UST: variants seen among roughly 807,000 people sequenced by gnomAD.
The protein encoded by UST is uronyl 2-sulfotransferase.
UST carries 21 observed loss-of-function variants against 45.6 expected under a neutral mutation model. The observed-to-expected ratio is 0.46, with a 90% CI of 0.33 to 0.66. The LOEUF (loss-of-function observed/expected upper bound fraction) is 0.66, where lower values mean the gene tolerates loss of function less well. Among genes scored for constraint, UST ranks in the 30% least tolerant of loss-of-function variants. The pLI, the probability that UST is intolerant of heterozygous loss-of-function variation, is 0.02. For synonymous variants in UST, 215 were observed against 200.6 expected (o/e 1.07, Z -0.61); for missense variants, 463 against 512.4 (o/e 0.90, Z 0.93).
At chr6:148,878,831 A>G (rs1261099812) in intron 1 of UST, among the ~76,000 whole-genome samples, 3 of 151,368 alleles carry the variant, frequency 2.0e-5, no homozygotes, top group African/African-American at 7.3e-5. Flanking sequence ...GGGATTATGT[A>G]TGAGTATGGG....
chr6:148,838,342 A>G (rs565524495), intron 1 of UST, among the ~76,000 whole-genome samples: 2 of 152,276 alleles, frequency 1.3e-5, no homozygotes, highest in East Asian at 3.9e-4. Flanking sequence ...CCAGGACACG[A>G]GGTCAGAGAG....
At chr6:148,875,735 C>T (rs898613212) in intron 1 of UST, among the ~76,000 whole-genome samples, 3 of 152,202 alleles carry the variant, frequency 2.0e-5, no homozygotes, top group Non-Finnish European at 2.9e-5. Context: ...ACCTGGGAGG[C>T]GGAGTTTGCA....
chr6:148,830,225 C>T (rs1777656519), intron 1 of UST, among the ~76,000 whole-genome samples: 1 of 152,254 alleles, frequency 6.6e-6, no homozygotes, highest in African/African-American at 2.4e-5. Context: ...GGACCACACC[C>T]ACCAATTTCT....
At chr6:149,046,475 T>C (rs1314115191) in intron 7 of UST, among the ~76,000 whole-genome samples, 2 of 152,256 alleles carry the variant, frequency 1.3e-5, no homozygotes, top group African/African-American at 4.8e-5. Context: ...TTTCTTCTCC[T>C]TTCCTGAGAT....
At chr6:148,784,433 C>G (rs941831822) in intron 1 of UST, among the ~76,000 whole-genome samples, 2 of 152,200 alleles carry the variant, frequency 1.3e-5, no homozygotes, top group African/African-American at 4.8e-5. Flanking sequence ...CTAACCAACA[C>G]ACCATCTCAA....
chr6:148,963,756 C>A (rs533978373), intron 4 of UST, among the ~76,000 whole-genome samples: 9 of 152,202 alleles, frequency 5.9e-5, no homozygotes, highest in Non-Finnish European at 1.3e-4. Flanking sequence ...AACCTTATTC[C>A]TGCCTCAGTT....
chr6:148,991,524 C>A (rs939743520), intron 5 of UST, among the ~76,000 whole-genome samples: 9 of 122,844 alleles, frequency 7.3e-5, no homozygotes, highest in Non-Finnish European at 1.1e-4. Flanking sequence ...CCCCACCCCA[C>A]GACAGGCCCC....
intron 3 of UST, among the ~76,000 whole-genome samples, chr6:148,953,457 G>A (rs188382132): frequency 3.3e-5 from 5 of 152,244 alleles, no homozygotes; most frequent in Admixed American, 2.6e-4. Context: ...CACTTATACC[G>A]CTGGTCCACT....
chr6:148,803,747 C>G (rs1234579052), intron 1 of UST, among the ~76,000 whole-genome samples: 1 of 152,226 alleles, frequency 6.6e-6, no homozygotes, highest in East Asian at 1.9e-4. Flanking sequence ...CCTACCTGCT[C>G]CTCTTGCTTC....
At chr6:148,911,542 C>T (rs576279499) in intron 2 of UST, among the ~76,000 whole-genome samples, 1 of 152,290 alleles carries the variant, frequency 6.6e-6, no homozygotes, top group Admixed American at 6.5e-5. Flanking sequence ...TCTGTTGATA[C>T]ACTTGATGCC....
chr6:148,871,141 T>TCTCTCTCTCTCTCTCC (rs1562283619), intron 1 of UST, among the ~76,000 whole-genome samples: 24 of 149,356 alleles, frequency 1.6e-4, no homozygotes, highest in African/African-American at 5.0e-4. Flanking sequence ...TCTCTCTCTC[T>TCTCTCTCTCTCTCTCC]CTCTCCCTCT....
At chr6:148,904,924 C>G (rs2114869293) in intron 2 of UST, among the ~76,000 whole-genome samples, 1 of 152,292 alleles carries the variant, frequency 6.6e-6, no homozygotes, top group Middle Eastern at 3.4e-3. Context: ...CCTGCAGCTG[C>G]CCTAGGCAGA....
chr6:148,868,630 G>A (rs533237384), intron 1 of UST, among the ~76,000 whole-genome samples: 9 of 152,210 alleles, frequency 5.9e-5, no homozygotes, highest in South Asian at 2.1e-4. Flanking sequence ...TATGAGCCAC[G>A]GTAGACTTTA....
At chr6:148,942,594 T>A (rs1201016262) in intron 3 of UST, among the ~76,000 whole-genome samples, 1 of 152,004 alleles carries the variant, frequency 6.6e-6, no homozygotes, top group Non-Finnish European at 1.5e-5. Flanking sequence ...AAAAAATAAA[T>A]AAATAAATTT....
chr6:149,032,853 C>CG (rs1562334966), intron 7 of UST, among the ~76,000 whole-genome samples: 1 of 152,070 alleles, frequency 6.6e-6, no homozygotes, highest in African/African-American at 2.4e-5. Context: ...TCTGGGTGTG[C>CG]GGGGGAGGTA....
At chr6:148,923,477 G>GCTGA (rs1779753996) in intron 2 of UST, among the ~76,000 whole-genome samples, 1 of 152,202 alleles carries the variant, frequency 6.6e-6, no homozygotes, top group Non-Finnish European at 1.5e-5. Context: ...CAGCCAGGTG[G>GCTGA]CTATAAAGTG....
intron 5 of UST, among the ~76,000 whole-genome samples, chr6:148,987,945 G>A (rs1363597311): frequency 2.6e-5 from 4 of 152,054 alleles, no homozygotes; most frequent in African/African-American, 7.2e-5. Flanking sequence ...ACAGAATATG[G>A]ACTATGCTCT....
At chr6:148,821,905 T>C (rs983821938) in intron 1 of UST, among the ~76,000 whole-genome samples, 8 of 152,208 alleles carry the variant, frequency 5.3e-5, no homozygotes, top group Non-Finnish European at 7.3e-5. Flanking sequence ...GCTCAAGTTT[T>C]CCCAGATTTG....
intron 5 of UST, chr6:148,964,765 C>T (rs1265687241): frequency 4.7e-6 from 3 of 634,936 alleles, no homozygotes; most frequent in Admixed American, 3.0e-5. Context: ...AACATTTCCT[C>T]AAATTATTTT....
Sources: gnomAD v4.1 joint callset for allele counts (sites outside exome capture counted in the v4.1 genomes callset) on GRCh38, gnomAD v4.1.1 for gene constraint, MANE v1.5 for transcripts, NCBI Gene and HGNC (gene_info 2026-07-23, HGNC 2026-07-21) for gene names.